BTBD10: variants seen among roughly 807,000 people sequenced by gnomAD.
The protein encoded by BTBD10 is BTB/POZ domain-containing protein 10.
In BTBD10, 21 loss-of-function variants were observed where a neutral mutation model predicts 53.2. That is an observed-to-expected ratio of 0.39 (90% CI 0.28 to 0.57). The LOEUF (loss-of-function observed/expected upper bound fraction) is 0.57. Ranked by LOEUF, BTBD10 falls within the 20% of genes least tolerant of loss-of-function variation. The pLI is 0.53. For missense variants in BTBD10, 360 were observed against 594.7 expected, an observed-to-expected ratio of 0.61 and a Z score of 4.10; for synonymous variants, 149 against 192.7, an observed-to-expected ratio of 0.77 and a Z score of 1.88.
intron 1 of BTBD10, among the ~76,000 whole-genome samples, chr11:13,451,260 T>C (rs991336759): frequency 1.3e-5 from 2 of 152,178 alleles, no homozygotes; most frequent in Non-Finnish European, 2.9e-5. Context: ...GCATGAGACA[T>C]GATTTTGATG....
chr11:13,455,851 C>A (rs1950955332), intron 1 of BTBD10, among the ~76,000 whole-genome samples: 1 of 152,106 alleles, frequency 6.6e-6, no homozygotes, highest in Admixed American at 6.5e-5. Context: ...TTATGCTGTT[C>A]CATTTTGACC....
At chr11:13,399,983 A>G (rs1342476830) in intron 8 of BTBD10, among the ~76,000 whole-genome samples, 1 of 152,082 alleles carries the variant, frequency 6.6e-6, no homozygotes, top group African/African-American at 2.4e-5. Flanking sequence ...CAGTTAGGCT[A>G]CTCGGGGCTC....
At chr11:13,430,988 C>CACACACAT (rs1950437729) in intron 2 of BTBD10, among the ~76,000 whole-genome samples, 1 of 150,116 alleles carries the variant, frequency 6.7e-6, no homozygotes, top group African/African-American at 2.5e-5. Context: ...CACACACACA[C>CACACACAT]ACACACACAC....
At chr11:13,456,268 G>C (rs1445527348) in intron 1 of BTBD10, among the ~76,000 whole-genome samples, 2 of 152,110 alleles carry the variant, frequency 1.3e-5, no homozygotes, top group Admixed American at 6.5e-5. Context: ...TAAAGGCCCA[G>C]AAACAGAGCC....
At chr11:13,455,970 A>G (rs1591176855) in intron 1 of BTBD10, among the ~76,000 whole-genome samples, 1 of 152,200 alleles carries the variant, frequency 6.6e-6, no homozygotes, top group East Asian at 1.9e-4. Flanking sequence ...TCTAGACTGT[A>G]GCACTCACTG....
At position 13,419,782 on chromosome 11, in the gene BTBD10, T is replaced by C. The variant is rs553822953; in HGVS notation, c.299-37A>G. On this transcript the variant is annotated intron_variant, in intron 3 of 8. Transcript: ENST00000278174. The stretch of plus-strand genomic sequence containing the variant: ...ATGTTAGACGAAGTTATGCAAATTT[T>C]CTTTTACAAATTCAAGATTTATATA... The C allele has an allele frequency of 8.9e-6, 13 of 1,465,250 alleles. No individual in the cohort carries two copies. In the African/African-American group the frequency reaches 1.0e-4, roughly 11 times the overall value. The allele number at this position is 1,465,250 out of a possible 1,614,324, so 90.8% of individuals were successfully genotyped here.
At chr11:13,407,785 A>C (rs1315156319) in intron 6 of BTBD10, among the ~76,000 whole-genome samples, 2 of 152,160 alleles carry the variant, frequency 1.3e-5, no homozygotes, top group African/African-American at 4.8e-5. Flanking sequence ...GGCTGAGGAG[A>C]CAGCACATGA....
intron 5 of BTBD10, among the ~76,000 whole-genome samples, chr11:13,415,105 AC>A (rs1264454089): frequency 2.2e-5 from 3 of 133,966 alleles, no homozygotes; most frequent in African/African-American, 5.6e-5. Flanking sequence ...TATCAATCAA[AC>A]CTTTTTTTTT....
At chr11:13,454,332 A>C (rs1950921813) in intron 1 of BTBD10, among the ~76,000 whole-genome samples, 1 of 152,182 alleles carries the variant, frequency 6.6e-6, no homozygotes, top group African/African-American at 2.4e-5. Context: ...AAGACAGAAA[A>C]TATCACATCC....
intron 1 of BTBD10, among the ~76,000 whole-genome samples, chr11:13,461,918 ATTC>A (rs1393872189): frequency 6.6e-6 from 1 of 150,450 alleles, no homozygotes; most frequent in Non-Finnish European, 1.5e-5. Context: ...ATCAGAAATA[ATTC>A]TTCTCACACT....
intron 2 of BTBD10, among the ~76,000 whole-genome samples, chr11:13,442,107 A>G (rs1950664828): frequency 6.6e-6 from 1 of 152,104 alleles, no homozygotes; most frequent in Non-Finnish European, 1.5e-5. Flanking sequence ...GCCACTAAAC[A>G]TGCACCCGCC....
At chr11:13,399,155 T>C (rs374787323) in intron 8 of BTBD10, among the ~76,000 whole-genome samples, 16,236 of 152,258 alleles carry the variant, frequency 0.11, 964 homozygotes, top group Middle Eastern at 0.15. Context: ...CCAACTTGGT[T>C]CCATTCTCCC....
chr11:13,426,468 T>C (rs1377911009), intron 2 of BTBD10, among the ~76,000 whole-genome samples: 1 of 152,070 alleles, frequency 6.6e-6, no homozygotes, highest in East Asian at 1.9e-4. Flanking sequence ...TGGAAGAATA[T>C]AATTTTTTTC....
Position 13,419,579 on chromosome 11 carries a change from A to G in BTBD10, c.465T>C (p.Asn155=), listed in dbSNP as rs7114113. The G allele has an allele frequency of 0.18, 284,764 of 1,613,810 alleles. 26,395 individuals are homozygous for G. Among genetic ancestry groups the G allele is most frequent in the Admixed American group, 0.29 (17,602 of 59,958 alleles). Residue 155 remains asparagine, a synonymous_variant, in exon 4 of 9, where the codon AAT becomes AAC. Transcript: ENST00000278174. ...TAGEMVFVYE[N]AKEGARNIRT... is the part of the protein sequence containing the mutation. ...TTATATTCCGAGCTCCTTCTTTTGCATTTTCATATACAAACACCATCTCCC... is the reference window on the plus strand; with the variant it reads ...TTATATTCCGAGCTCCTTCTTTTGCGTTTTCATATACAAACACCATCTCCC...
chr11:13,446,077 A>G (rs1950745171), intron 1 of BTBD10, among the ~76,000 whole-genome samples: 1 of 152,212 alleles, frequency 6.6e-6, no homozygotes, highest in East Asian at 1.9e-4. Flanking sequence ...TGCTGAGACT[A>G]AAGTATTTGT....
chr11:13,409,439 G>C (rs1015884015), intron 6 of BTBD10, among the ~76,000 whole-genome samples: 3 of 152,182 alleles, frequency 2.0e-5, no homozygotes, highest in Non-Finnish European at 4.4e-5. Context: ...ACTTAGAACA[G>C]TGCTTAGTAC....
rs752999514 is a variant in BTBD10 at position 13,445,156 on chromosome 11, G to T, written c.-32C>A. 1.9e-5 allele frequency: 28 copies of T among 1,506,954 alleles called. No individual in the cohort carries two copies. The highest frequency in any genetic ancestry group is 2.6e-5 in the Non-Finnish European group (28 of 1,083,464). 93.3% of individuals were successfully genotyped at this position (1,506,954 alleles called of 1,614,324 possible). On this transcript the variant is annotated 5_prime_UTR_variant, in exon 2 of 9. The change creates a premature stop within an existing upstream ORF in the 5' untranslated region. Transcript: ENST00000278174. ...CCAAGCTTCCTCACACTACTGCTCTGAAAGCACACATGTAGCACCCATAAC... is the reference window on the plus strand; with the variant it reads ...CCAAGCTTCCTCACACTACTGCTCTTAAAGCACACATGTAGCACCCATAAC...
At chr11:13,394,962 T>C (rs1365914870) in intron 8 of BTBD10, among the ~76,000 whole-genome samples, 2 of 151,454 alleles carry the variant, frequency 1.3e-5, no homozygotes, top group Non-Finnish European at 1.5e-5. Flanking sequence ...TTTGGGTTGG[T>C]TCCAAGTCTG....
chr11:13,400,716 C>T (rs1367195259), intron 8 of BTBD10, among the ~76,000 whole-genome samples: 1 of 152,030 alleles, frequency 6.6e-6, no homozygotes, highest in African/African-American at 2.4e-5. Flanking sequence ...TCTTTAAAGC[C>T]GTGAGAAAAC....
Sources: allele counts gnomAD v4.1 joint callset (sites outside exome capture counted in the v4.1 genomes callset), GRCh38; gene constraint gnomAD v4.1.1; transcripts MANE v1.5; gene names NCBI Gene and HGNC (gene_info 2026-07-23, HGNC 2026-07-21).